GULP1: variants seen among roughly 807,000 people sequenced by gnomAD.
The protein encoded by GULP1 is PTB domain-containing engulfment adapter protein 1.
GULP1 carries 19 observed loss-of-function variants against 40.9 expected under a neutral mutation model. The observed-to-expected ratio is 0.46, with a 90% CI of 0.32 to 0.68. GULP1 has a LOEUF of 0.68. GULP1 is among the 30% of genes least tolerant of loss of function. The pLI is 0.03. For missense variants in GULP1, 312 were observed against 362.2 expected, an observed-to-expected ratio of 0.86 and a Z score of 1.12; for synonymous variants, 119 against 117.6, an observed-to-expected ratio of 1.01 and a Z score of -0.08.
intron 2 of GULP1, among the ~76,000 whole-genome samples, chr2:188,397,703 A>G (rs1048903014): frequency 6.6e-6 from 1 of 152,220 alleles, no homozygotes; most frequent in Non-Finnish European, 1.5e-5. Context: ...TAGATCTCTC[A>G]TGATGTTGCA....
At chr2:188,479,028 A>G (rs981524251) in intron 3 of GULP1, among the ~76,000 whole-genome samples, 13 of 152,166 alleles carry the variant, frequency 8.5e-5, no homozygotes, top group African/African-American at 3.1e-4. Context: ...AAGGACTGCC[A>G]TTTAGCCATG....
At chr2:188,427,491 C>T (rs1191812416) in intron 2 of GULP1, among the ~76,000 whole-genome samples, 1 of 152,234 alleles carries the variant, frequency 6.6e-6, no homozygotes, top group Non-Finnish European at 1.5e-5. Context: ...AGGCCCAGGG[C>T]CTTGCTGCCC....
intron 1 of GULP1, among the ~76,000 whole-genome samples, chr2:188,380,984 G>A (rs547873192): frequency 1.3e-5 from 2 of 152,206 alleles, no homozygotes; most frequent in African/African-American, 4.8e-5. Context: ...TCTTCAAATT[G>A]TGTGAAAATA....
chr2:188,437,962 C>T (rs1200349033), intron 2 of GULP1, among the ~76,000 whole-genome samples: 4 of 151,972 alleles, frequency 2.6e-5, no homozygotes, highest in Admixed American at 6.6e-5. Flanking sequence ...GAAAAAATAC[C>T]TGTTAGGTAC....
chr2:188,336,107 A>T (rs115615568), intron 1 of GULP1, among the ~76,000 whole-genome samples: 2,871 of 152,290 alleles, frequency 0.019, 92 homozygotes, highest in African/African-American at 0.066. Flanking sequence ...TAAGCAGGTT[A>T]TATTAGATTG....
At chr2:188,308,944 G>C (rs550289934) in intron 1 of GULP1, among the ~76,000 whole-genome samples, 2 of 152,252 alleles carry the variant, frequency 1.3e-5, no homozygotes, top group East Asian at 3.9e-4. Flanking sequence ...TTAGCCCCCA[G>C]ATTATTAGAG....
At chr2:188,507,382 A>G (rs1165084296) in intron 4 of GULP1, among the ~76,000 whole-genome samples, 1 of 142,958 alleles carries the variant, frequency 7.0e-6, no homozygotes, top group African/African-American at 2.6e-5. Context: ...AGCAAAGAGA[A>G]TACCATTTGT....
At chr2:188,330,347 A>G (rs1363249870) in intron 1 of GULP1, among the ~76,000 whole-genome samples, 3 of 152,214 alleles carry the variant, frequency 2.0e-5, no homozygotes, top group Non-Finnish European at 4.4e-5. Flanking sequence ...TAAAGTATGT[A>G]TAACACAAGA....
At chr2:188,402,468 T>C (rs2052437948) in intron 2 of GULP1, among the ~76,000 whole-genome samples, 1 of 152,086 alleles carries the variant, frequency 6.6e-6, no homozygotes, top group Non-Finnish European at 1.5e-5. Context: ...AAGACTCTAG[T>C]AATAGATATA....
chr2:188,529,037 T>C, intron 5 of GULP1, 60 bp from the exon 6 acceptor site: 1 of 817,518 alleles, frequency 1.2e-6, no homozygotes, highest in Non-Finnish European at 2.0e-6. Context: ...TGTATATTTA[T>C]TTTTGTTCAT....
chr2:188,501,502 G>A (rs1211943369), intron 4 of GULP1, among the ~76,000 whole-genome samples: 1 of 151,878 alleles, frequency 6.6e-6, no homozygotes, highest in Non-Finnish European at 1.5e-5. Flanking sequence ...TTTGCCAGAA[G>A]TTACAGTTTG....
At chr2:188,296,816 A>C (rs1047335792) in intron 1 of GULP1, among the ~76,000 whole-genome samples, 22 of 152,156 alleles carry the variant, frequency 1.4e-4, no homozygotes, top group African/African-American at 5.1e-4. Context: ...CATTATATAA[A>C]TGTACCTATA....
intron 1 of GULP1, among the ~76,000 whole-genome samples, chr2:188,313,663 A>G (rs775581316): frequency 1.3e-5 from 2 of 152,174 alleles, no homozygotes; most frequent in African/African-American, 2.4e-5. Context: ...TGTCAATGGT[A>G]GTTTGATGGG....
intron 4 of GULP1, among the ~76,000 whole-genome samples, chr2:188,514,515 A>C (rs989411238): frequency 6.6e-6 from 1 of 152,220 alleles, no homozygotes; most frequent in African/African-American, 2.4e-5. Context: ...AGGAACAAAT[A>C]TCACTTGCCA....
intron 7 of GULP1, among the ~76,000 whole-genome samples, chr2:188,552,153 T>C (rs925075325): frequency 1.3e-5 from 2 of 151,928 alleles, no homozygotes; most frequent in African/African-American, 4.8e-5. Context: ...TATTTTTCTG[T>C]GTAGATGCTT....
intron 2 of GULP1, among the ~76,000 whole-genome samples, chr2:188,460,366 T>C (rs527680106): frequency 6.6e-6 from 1 of 152,204 alleles, no homozygotes; most frequent in Admixed American, 6.5e-5. Context: ...TTCACTTCTT[T>C]GGTTAAGTTA....
chr2:188,564,380 A>G (rs535943338), intron 7 of GULP1, among the ~76,000 whole-genome samples: 1 of 151,960 alleles, frequency 6.6e-6, no homozygotes, highest in Non-Finnish European at 1.5e-5. Flanking sequence ...CACTAGATTT[A>G]TGAAACAAAT....
intron 7 of GULP1, among the ~76,000 whole-genome samples, chr2:188,544,419 GGA>G (rs1246009904): frequency 3.0e-4 from 45 of 151,994 alleles, no homozygotes; most frequent in Admixed American, 3.0e-3. Flanking sequence ...TATAGCATTA[GGA>G]GATATACCTA....
intron 6 of GULP1, among the ~76,000 whole-genome samples, chr2:188,532,123 G>C (rs904934648): frequency 6.6e-6 from 1 of 152,026 alleles, no homozygotes; most frequent in African/African-American, 2.4e-5. Flanking sequence ...ATTTTCGTAT[G>C]TTCTTGTTAT....
Sources: gnomAD v4.1 joint callset for allele counts (sites outside exome capture counted in the v4.1 genomes callset) on GRCh38, gnomAD v4.1.1 for gene constraint, MANE v1.5 for transcripts, NCBI Gene and HGNC (gene_info 2026-07-23, HGNC 2026-07-21) for gene names.